The following FTO variants were observed in gnomAD, a reference collection of about 807,000 sequenced individuals.
FTO encodes alpha-ketoglutarate-dependent dioxygenase FTO.
FTO carries 47 observed loss-of-function variants against 63.9 expected under a neutral mutation model. The ratio of observed to expected loss-of-function variants is 0.74; its 90% CI spans 0.58 to 0.94. The LOEUF is 0.94. Among genes scored for constraint, FTO ranks in the 40% least tolerant of loss-of-function variants. The pLI is 0.00. For missense variants in FTO, 562 were observed against 618.1 expected (o/e 0.91, Z 0.96); for synonymous variants, 207 against 224.4 (o/e 0.92, Z 0.69).
chr16:53,829,351 A>C (rs2079087118), intron 3 of FTO, among the ~76,000 whole-genome samples: 1 of 152,234 alleles, frequency 6.6e-6, no homozygotes, highest in Non-Finnish European at 1.5e-5. Flanking sequence ...GGAATGCATC[A>C]GATTATCTTA....
chr16:53,955,819 T>C (rs537970869), intron 8 of FTO, among the ~76,000 whole-genome samples: 2 of 152,256 alleles, frequency 1.3e-5, no homozygotes, highest in South Asian at 2.1e-4. Context: ...GAAGTCTTTA[T>C]GGAGAGAAAG....
chr16:53,728,851 C>T (rs1170086023), intron 1 of FTO, among the ~76,000 whole-genome samples: 1 of 151,350 alleles, frequency 6.6e-6, no homozygotes, highest in Non-Finnish European at 1.5e-5. Context: ...CAACATCTGC[C>T]TCCTGGGTTC....
At chr16:53,890,992 GA>G (rs1376081594) in intron 7 of FTO, among the ~76,000 whole-genome samples, 1 of 149,878 alleles carries the variant, frequency 6.7e-6, no homozygotes, top group East Asian at 1.9e-4. Flanking sequence ...AGCTCTTATT[GA>G]TTTTTTTTTT....
At chr16:53,983,398 C>G (rs13337356) in intron 8 of FTO, among the ~76,000 whole-genome samples, 36,587 of 151,638 alleles carry the variant, frequency 0.24, 4,698 homozygotes, top group African/African-American at 0.32. Flanking sequence ...GCCATTTTGA[C>G]GGAACTGGGG....
At chr16:54,049,660 TG>T (rs1366139224) in intron 8 of FTO, among the ~76,000 whole-genome samples, 1 of 152,212 alleles carries the variant, frequency 6.6e-6, no homozygotes, top group Non-Finnish European at 1.5e-5. Flanking sequence ...AGGTGGTGGC[TG>T]GGGCTGCTGC....
chr16:53,731,900 A>G (rs967488038), intron 1 of FTO, among the ~76,000 whole-genome samples: 1 of 151,124 alleles, frequency 6.6e-6, no homozygotes, highest in Admixed American at 6.6e-5. Context: ...GGCTGTTTGT[A>G]CTTTTTGTAG....
intron 1 of FTO, among the ~76,000 whole-genome samples, chr16:53,732,836 G>A (rs973129345): frequency 2.6e-5 from 4 of 152,178 alleles, no homozygotes; most frequent in Non-Finnish European, 5.9e-5. Flanking sequence ...GGGGAAAAAG[G>A]AGCATTGTAG....
chr16:53,986,739 T>A (rs933689720), intron 8 of FTO, among the ~76,000 whole-genome samples: 1 of 152,228 alleles, frequency 6.6e-6, no homozygotes, highest in South Asian at 2.1e-4. Context: ...ATAAACTCTA[T>A]GGATTTTCTT....
At chr16:53,764,730 A>AT (rs947774731) in intron 1 of FTO, among the ~76,000 whole-genome samples, 5 of 151,228 alleles carry the variant, frequency 3.3e-5, no homozygotes, top group African/African-American at 1.2e-4. Flanking sequence ...TTTTTTTTAA[A>AT]TTTTTTTTTG....
At chr16:54,100,023 C>T (rs1599366838) in intron 8 of FTO, among the ~76,000 whole-genome samples, 1 of 152,182 alleles carries the variant, frequency 6.6e-6, no homozygotes, top group Non-Finnish European at 1.5e-5. Flanking sequence ...GCAGTGTTTT[C>T]ACCAACTGGC....
intron 4 of FTO, among the ~76,000 whole-genome samples, chr16:53,871,971 C>T (rs2080512229): frequency 6.6e-6 from 1 of 152,132 alleles, no homozygotes; most frequent in South Asian, 2.1e-4. Flanking sequence ...AGGTAATCCA[C>T]CCACTTCGGC....
chr16:53,885,811 C>T lies in FTO; in HGVS notation c.1120-3021C>T, dbSNP rs568308509. ...TTGCCCAGACTGGAGTTTAGTGGCGCGATCATGGCTCACTGCAGCCTGGAC... is the reference window on the plus strand; with the variant it reads ...TTGCCCAGACTGGAGTTTAGTGGCGTGATCATGGCTCACTGCAGCCTGGAC... On this transcript the variant is annotated intron_variant, in intron 6 of 8. Coordinates refer to ENST00000471389, the MANE Select transcript of FTO (RefSeq NM_001080432.3). 3.5e-4 allele frequency among the ~76,000 whole-genome samples: 54 copies of T among 152,234 alleles called. No individual in the cohort carries two copies. In the East Asian group the frequency reaches 3.9e-3, roughly 11 times the overall value.
chr16:53,964,942 C>CT (rs987779110), intron 8 of FTO, among the ~76,000 whole-genome samples: 1 of 152,166 alleles, frequency 6.6e-6, no homozygotes, highest in Non-Finnish European at 1.5e-5. Flanking sequence ...TATAATGAAG[C>CT]TTTTTTCCCA....
intron 6 of FTO, among the ~76,000 whole-genome samples, chr16:53,887,404 C>T (rs2081028381): frequency 6.6e-6 from 1 of 152,094 alleles, no homozygotes; most frequent in Admixed American, 6.5e-5. Flanking sequence ...GCATATTCCA[C>T]CCCTGGCATT....
intron 8 of FTO, among the ~76,000 whole-genome samples, chr16:54,009,459 GAGAT>G (rs1384689337): frequency 6.6e-6 from 1 of 152,130 alleles, no homozygotes; most frequent in African/African-American, 2.4e-5. Flanking sequence ...GGCAAACTGA[GAGAT>G]AGGAGCAGAA....
intron 8 of FTO, among the ~76,000 whole-genome samples, chr16:53,985,989 G>T (rs2083657839): frequency 6.6e-6 from 1 of 152,168 alleles, no homozygotes. Context: ...ATGGCTGACT[G>T]GATTTAAGTC....
chr16:53,923,852 C>T (rs529592045), intron 7 of FTO, among the ~76,000 whole-genome samples: 2 of 152,040 alleles, frequency 1.3e-5, no homozygotes, highest in East Asian at 2.0e-4. Flanking sequence ...AACATTCCAG[C>T]GGTCGCCCAC....
chr16:53,999,037 G>A (rs1000362082), intron 8 of FTO, among the ~76,000 whole-genome samples: 11 of 152,178 alleles, frequency 7.2e-5, no homozygotes, highest in South Asian at 2.1e-4. Flanking sequence ...TACCCAGTGT[G>A]ATTTTAAACT....
At chr16:53,869,353 A>G (rs764856449) in intron 4 of FTO, among the ~76,000 whole-genome samples, 5 of 151,942 alleles carry the variant, frequency 3.3e-5, no homozygotes, top group Admixed American at 6.6e-5. Flanking sequence ...TGCAGTTTGA[A>G]TATAATATGC....
Sources: allele counts gnomAD v4.1 joint callset (sites outside exome capture counted in the v4.1 genomes callset), GRCh38; gene constraint gnomAD v4.1.1; transcripts MANE v1.5; gene names NCBI Gene and HGNC (gene_info 2026-07-23, HGNC 2026-07-21).